The following CAMTA1 variants were observed in gnomAD, a reference collection of about 807,000 sequenced individuals.
The protein encoded by CAMTA1 is calmodulin-binding transcription activator 1.
In CAMTA1, 27 loss-of-function variants were observed where a neutral mutation model predicts 170.9. The ratio of observed to expected loss-of-function variants is 0.16; its 90% CI spans 0.12 to 0.22. CAMTA1 has a LOEUF of 0.22. Among genes scored for constraint, CAMTA1 ranks in the 10% least tolerant of loss-of-function variants. The pLI is 1.00. For missense variants in CAMTA1, 1,619 were observed against 2,217.2 expected, an observed-to-expected ratio of 0.73 and a Z score of 5.42; for synonymous variants, 833 against 891.5, an observed-to-expected ratio of 0.93 and a Z score of 1.17.
rs1216961479 is a variant in CAMTA1 at position 7,680,489 on chromosome 1, C to T, written c.2914+2756C>T. Among the ~76,000 whole-genome samples the T allele has an allele frequency of 6.6e-6, 1 of 150,988 alleles. No individual in the cohort carries two copies. The highest frequency in any genetic ancestry group is 2.0e-4 in the East Asian group (1 of 4,990). On this transcript the variant is annotated intron_variant, in intron 11 of 22. Coordinates refer to ENST00000303635, the MANE Select transcript of CAMTA1 (RefSeq NM_015215.4). The surrounding 1 kb of genome is among the most constrained non-coding windows in gnomAD (Gnocchi z 4.4). ...GCGCGCCCTCCCGCCGACGCGCAGCCGCAATGCGGGGCCCTTCGCGGAACT... is the reference window on the plus strand; with the variant it reads ...GCGCGCCCTCCCGCCGACGCGCAGCTGCAATGCGGGGCCCTTCGCGGAACT...
chr1:7,526,367 C>G (rs2094431864), intron 6 of CAMTA1, among the ~76,000 whole-genome samples: 1 of 152,090 alleles, frequency 6.6e-6, no homozygotes, highest in Non-Finnish European at 1.5e-5. Flanking sequence ...CTTCCTAAGC[C>G]CGTGGCTACT....
intron 11 of CAMTA1, among the ~76,000 whole-genome samples, chr1:7,692,617 TGTGACA>T (rs1356442284): frequency 6.6e-6 from 1 of 152,100 alleles, no homozygotes; most frequent in Non-Finnish European, 1.5e-5. Context: ...AACACACTGG[TGTGACA>T]GTGACAGTAA....
chr1:7,152,563 G>T (rs1646637107), intron 4 of CAMTA1, among the ~76,000 whole-genome samples: 1 of 152,370 alleles, frequency 6.6e-6, no homozygotes, highest in East Asian at 1.9e-4. Context: ...AAACAGGGAG[G>T]TTGCCAAGGG....
At chr1:7,649,731 G>A (rs556473477) in intron 7 of CAMTA1, among the ~76,000 whole-genome samples, 50 of 152,326 alleles carry the variant, frequency 3.3e-4, no homozygotes, top group Admixed American at 2.4e-3. Flanking sequence ...GCCCAGGGCC[G>A]CTTCAAGGCC....
intron 6 of CAMTA1, among the ~76,000 whole-genome samples, chr1:7,577,151 G>A (rs2095205318): frequency 6.6e-6 from 1 of 152,170 alleles, no homozygotes; most frequent in South Asian, 2.1e-4. Flanking sequence ...TCCTCCCCCG[G>A]AGGCCCAGTG....
chr1:7,222,898 C>T (rs1041068978), intron 4 of CAMTA1, among the ~76,000 whole-genome samples: 5 of 152,246 alleles, frequency 3.3e-5, no homozygotes, highest in African/African-American at 1.2e-4. Context: ...GCCTCAGGTG[C>T]AGCTGTGAGG....
intron 1 of CAMTA1, among the ~76,000 whole-genome samples, chr1:6,813,657 G>C (rs904165224): frequency 6.6e-6 from 1 of 152,002 alleles, no homozygotes; most frequent in East Asian, 1.9e-4. Context: ...GTCCTGCTCT[G>C]TTGTCCAGGC....
intron 5 of CAMTA1, among the ~76,000 whole-genome samples, chr1:7,332,418 C>T (rs986733852): frequency 2.0e-5 from 3 of 152,190 alleles, no homozygotes; most frequent in African/African-American, 7.2e-5. Context: ...TCACAACATT[C>T]TATATAAATA....
intron 3 of CAMTA1, among the ~76,000 whole-genome samples, chr1:6,955,154 T>G (rs1302673072): frequency 7.0e-6 from 1 of 142,386 alleles, no homozygotes; most frequent in African/African-American, 2.6e-5. Flanking sequence ...CCAGTGGCTT[T>G]GGATGAGCTG....
intron 4 of CAMTA1, among the ~76,000 whole-genome samples, chr1:7,222,491 C>G (rs907650013): frequency 2.0e-5 from 3 of 152,162 alleles, no homozygotes; most frequent in Non-Finnish European, 4.4e-5. Context: ...GTCCTTGCCT[C>G]CCTCCCTGGC....
chr1:7,181,146 A>G (rs1421406598), intron 4 of CAMTA1, among the ~76,000 whole-genome samples: 1 of 152,238 alleles, frequency 6.6e-6, no homozygotes, highest in Non-Finnish European at 1.5e-5. Context: ...AAGGAAAAAC[A>G]TAATGATTAT....
intron 6 of CAMTA1, among the ~76,000 whole-genome samples, chr1:7,498,343 A>C (rs950264757): frequency 2.1e-5 from 3 of 145,100 alleles, no homozygotes; most frequent in Admixed American, 1.4e-4. Flanking sequence ...GATGTGTATG[A>C]GTGTGTGTAG....
chr1:7,320,769 C>T (rs573333731), intron 5 of CAMTA1, among the ~76,000 whole-genome samples: 4 of 149,864 alleles, frequency 2.7e-5, no homozygotes, highest in South Asian at 4.2e-4. Flanking sequence ...CAATGTGGGG[C>T]TGTACCAACT....
At chr1:7,364,167 C>G (rs951580468) in intron 5 of CAMTA1, among the ~76,000 whole-genome samples, 1 of 152,186 alleles carries the variant, frequency 6.6e-6, no homozygotes, top group African/African-American at 2.4e-5. Flanking sequence ...CAATGCTTAT[C>G]GAGTGCTGAC....
intron 3 of CAMTA1, among the ~76,000 whole-genome samples, chr1:6,998,191 C>T (rs1053150848): frequency 6.6e-6 from 1 of 152,142 alleles, no homozygotes; most frequent in African/African-American, 2.4e-5. Context: ...GATTCTCCTA[C>T]CTCAGCCTCC....
At chr1:7,671,558 CA>C (rs2096060682) in intron 10 of CAMTA1, among the ~76,000 whole-genome samples, 1 of 152,216 alleles carries the variant, frequency 6.6e-6, no homozygotes, top group South Asian at 2.1e-4. Context: ...GAAAGCCTGG[CA>C]GGGGCGGAGG....
rs200599770 is a variant in CAMTA1, at chr1:6,881,522, GC to G, written c.234+56313del. Reference sequence around the variant, plus strand: ...GGAGAATGACAAGGAGGCCTGTGTTGCTGTGCAGAGCGTGGGAAGGGGCACG... The same window carrying G: ...GGAGAATGACAAGGAGGCCTGTGTTGTGTGCAGAGCGTGGGAAGGGGCACG... On this transcript the variant is annotated intron_variant, in intron 3 of 22. Transcript: ENST00000303635. Among the ~76,000 whole-genome samples the G allele has an allele frequency of 7.9e-3, 1,205 of 152,318 alleles. 6 individuals are homozygous for G. Among genetic ancestry groups the G allele is most frequent in the Non-Finnish European group, 0.014 (937 of 68,028 alleles).
intron 5 of CAMTA1, among the ~76,000 whole-genome samples, chr1:7,380,286 C>A (rs1228619814): frequency 1.3e-5 from 2 of 152,178 alleles, no homozygotes; most frequent in African/African-American, 4.8e-5. Flanking sequence ...GAAGGTTGCC[C>A]AGTTAAGTCC....
chr1:7,084,194 T>C (rs1640413404), intron 3 of CAMTA1, among the ~76,000 whole-genome samples: 1 of 152,092 alleles, frequency 6.6e-6, no homozygotes, highest in Non-Finnish European at 1.5e-5. Context: ...TGTACACACA[T>C]ATATACATTT....
Sources: allele counts gnomAD v4.1 joint callset (sites outside exome capture counted in the v4.1 genomes callset), GRCh38; gene constraint gnomAD v4.1.1; non-coding constraint Gnocchi (gnomAD v3.1); transcripts MANE v1.5; gene names NCBI Gene and HGNC (gene_info 2026-07-23, HGNC 2026-07-21).